CSMD3: variants seen among roughly 807,000 people sequenced by gnomAD.
CSMD3 encodes the protein CUB and Sushi multiple domains 3.
CSMD3 carries 177 observed loss-of-function variants against 435.2 expected under a neutral mutation model. The observed-to-expected ratio is 0.41, with a 90% CI of 0.36 to 0.46. The LOEUF (loss-of-function observed/expected upper bound fraction) is 0.46, where lower values mean the gene tolerates loss of function less well. CSMD3 is among the 20% of genes least tolerant of loss of function. The probability of loss-of-function intolerance (pLI) is 0.34; values close to 1 mark genes in which losing one functional copy is unlikely to be tolerated. For synonymous variants in CSMD3, 1,656 were observed against 1,520.5 expected, an observed-to-expected ratio of 1.09 and a Z score of -2.07; for missense variants, 4,265 against 4,504.6, an observed-to-expected ratio of 0.95 and a Z score of 1.52.
At chr8:113,326,458 C>T (rs1193704578) in intron 1 of CSMD3, among the ~76,000 whole-genome samples, 1 of 151,544 alleles carries the variant, frequency 6.6e-6, no homozygotes, top group African/African-American at 2.4e-5. Flanking sequence ...AATTAAACAA[C>T]AAGAAGCAAC....
At chr8:113,271,306 C>T (rs998617597) in intron 3 of CSMD3, among the ~76,000 whole-genome samples, 5 of 152,062 alleles carry the variant, frequency 3.3e-5, no homozygotes, top group African/African-American at 1.2e-4. Context: ...CTCCAGGGCA[C>T]GTCACAGGTC....
chr8:113,339,291 A>T (rs1390879459), intron 1 of CSMD3, among the ~76,000 whole-genome samples: 1 of 151,886 alleles, frequency 6.6e-6, no homozygotes, highest in African/African-American at 2.4e-5. Context: ...ATTGTCTTTG[A>T]GTTAGAAAAT....
At position 112,314,615 on chromosome 8, in the gene CSMD3, G is replaced by A. The variant is rs1433712236; in HGVS notation, c.7363C>T (p.Leu2455Phe). The change falls in exon 48 of 71, where the codon CTC (leucine) becomes TTC (phenylalanine). Residue 2455 changes from leucine to phenylalanine, a missense_variant and splice_region_variant. Leu to Phe is a conservative substitution (Grantham distance 22). This residue lies in a region of CSMD3 where 3,255 missense variants were observed against 3,380.2 expected (regional missense o/e 0.96). Coordinates refer to ENST00000297405, the MANE Select transcript of CSMD3 (RefSeq NM_198123.2). ...MDGAPPVCQV[L>F]CPANELRLDS... ...AGCCGTAATTCATTGGCAGGACAGAGCACTGTCAAAGAAAAATGTCATTAA... is the reference window on the plus strand; with the variant it reads ...AGCCGTAATTCATTGGCAGGACAGAACACTGTCAAAGAAAAATGTCATTAA... 3 of 1,609,550 alleles carry A rather than the reference G, an allele frequency of 1.9e-6. No individual in the cohort carries two copies. The African/African-American group carries it at 4.0e-5, about 22-fold the overall frequency.
At chr8:113,372,954 A>AT (rs2094356258) in intron 1 of CSMD3, among the ~76,000 whole-genome samples, 1 of 151,650 alleles carries the variant, frequency 6.6e-6, no homozygotes, top group Admixed American at 6.6e-5. Context: ...AAAAAAAAAA[A>AT]AGAAAGAAAA....
At chr8:113,120,381 T>G (rs541113220) in intron 4 of CSMD3, among the ~76,000 whole-genome samples, 34 of 152,280 alleles carry the variant, frequency 2.2e-4, no homozygotes, top group African/African-American at 8.2e-4. Context: ...CAATGATAGA[T>G]TTATATGCAT....
At chr8:112,750,570 T>A (rs1225382778) in intron 13 of CSMD3, among the ~76,000 whole-genome samples, 1 of 152,036 alleles carries the variant, frequency 6.6e-6, no homozygotes, top group Non-Finnish European at 1.5e-5. Context: ...GCATAAAAGA[T>A]AAGTATATAT....
chr8:112,586,867 G>A (rs2131351310), intron 23 of CSMD3, among the ~76,000 whole-genome samples, 199 bp downstream of exon 23: 1 of 150,992 alleles, frequency 6.6e-6, no homozygotes, highest in East Asian at 2.0e-4. Flanking sequence ...AAAAAAATTG[G>A]AAACAAAACA....
chr8:112,405,814 T>A, intron 35 of CSMD3, among the ~76,000 whole-genome samples: 1 of 152,114 alleles, frequency 6.6e-6, no homozygotes, highest in East Asian at 1.9e-4. Context: ...TTTGGATTCT[T>A]AAAAGATCTC....
intron 1 of CSMD3, among the ~76,000 whole-genome samples, chr8:113,409,378 C>T (rs1039701171): frequency 2.6e-5 from 4 of 151,926 alleles, no homozygotes; most frequent in African/African-American, 9.7e-5. Context: ...CCACCGCGCC[C>T]GGCCAATAAG....
At chr8:113,245,112 A>G (rs2093262004) in intron 3 of CSMD3, among the ~76,000 whole-genome samples, 1 of 152,130 alleles carries the variant, frequency 6.6e-6, no homozygotes, top group African/African-American at 2.4e-5. Flanking sequence ...TACTGTTGGC[A>G]TGGCATATAT....
rs1438318095 is a variant in CSMD3, at chr8:112,241,754, T to G, written c.10434A>C (p.Arg3478Ser). ...AGSKILVKDPRPALGTPSPKL... is the reference protein window; with the variant it reads ...AGSKILVKDPSPALGTPSPKL... ...TTGGGCTGGGTGTTCCCAGTGCAGG[T>G]CTAGGATCTTTCACCAATATTTTAG... The change falls in exon 66 of 71, where the codon AGA becomes AGC. Residue 3478 changes from arginine (R) to serine (S), a missense_variant. Physicochemically the swap from Arg to Ser is moderately radical, Grantham distance 110. Around this residue, in one of 3 missense-constraint regions of CSMD3, gnomAD observed 3,255 missense variants for 3,380.2 expected, o/e 0.96. Coordinates refer to ENST00000297405, the MANE Select transcript of CSMD3 (RefSeq NM_198123.2). 6.2e-7 allele frequency: 1 copy of G among 1,612,922 alleles called. No individual in the cohort carries two copies. Among genetic ancestry groups the G allele is most frequent in the Non-Finnish European group, 8.5e-7 (1 of 1,179,106 alleles).
Position 113,126,077 on chromosome 8 carries a change from C to T in CSMD3, c.710-27114G>A, listed in dbSNP as rs564367560. 5.5e-4 allele frequency among the ~76,000 whole-genome samples: 84 copies of T among 152,028 alleles called. 1 individual carries two copies. In the South Asian group the frequency reaches 0.016, roughly 29 times the overall value. On this transcript the variant is annotated intron_variant, in intron 4 of 70. Transcript: ENST00000297405. ...AATTATCTCCATTTTAATACTAACG[C>T]ACTTGAGAGGAGAAGGCATAGGAAG...
At chr8:112,818,220 T>C (rs1197243309) in intron 12 of CSMD3, among the ~76,000 whole-genome samples, 1 of 152,048 alleles carries the variant, frequency 6.6e-6, no homozygotes, top group Admixed American at 6.6e-5. Context: ...AATTAGAAAA[T>C]GTTAGAATGT....
intron 1 of CSMD3, among the ~76,000 whole-genome samples, chr8:113,395,190 A>G (rs2094477580): frequency 6.6e-6 from 1 of 152,198 alleles, no homozygotes; most frequent in South Asian, 2.1e-4. Context: ...CATTTAGTTT[A>G]TGAATCTTTT....
intron 1 of CSMD3, among the ~76,000 whole-genome samples, chr8:113,406,638 T>C (rs1265283312): frequency 6.6e-6 from 1 of 152,004 alleles, no homozygotes; most frequent in African/African-American, 2.4e-5. Flanking sequence ...ATATATAAAA[T>C]GAGGGTGTGC....
In CSMD3 at chr8:112,492,480, G is replaced by A. The variant is rs766772373; in HGVS notation, c.5278+9C>T. The A allele has an allele frequency of 6.2e-7, 1 of 1,610,986 alleles. No individual in the cohort carries two copies. ...TCATGAAAATTCAGCCAAAAAATATGTTCCTTACCATGACAACTTGGCAAG... is the reference window on the plus strand; with the variant it reads ...TCATGAAAATTCAGCCAAAAAATATATTCCTTACCATGACAACTTGGCAAG... On this transcript the variant is annotated intron_variant, in intron 31 of 70. Transcript: ENST00000297405.
At chr8:113,122,542 G>T (rs960025465) in intron 4 of CSMD3, among the ~76,000 whole-genome samples, 1 of 152,056 alleles carries the variant, frequency 6.6e-6, no homozygotes, top group Non-Finnish European at 1.5e-5. Flanking sequence ...GAATATTTCA[G>T]CAGGCCCAAT....
At chr8:113,167,248 A>T (rs1283201695) in intron 4 of CSMD3, among the ~76,000 whole-genome samples, 4 of 152,178 alleles carry the variant, frequency 2.6e-5, no homozygotes, top group Non-Finnish European at 4.4e-5. Flanking sequence ...TAAGATTTTT[A>T]AAATAATTGA....
At chr8:113,323,875 C>T (rs746032456) in intron 1 of CSMD3, among the ~76,000 whole-genome samples, 1 of 152,064 alleles carries the variant, frequency 6.6e-6, no homozygotes, top group Non-Finnish European at 1.5e-5. Context: ...CTCCAGTAAC[C>T]TTTCTTCTTT....
Sources: allele counts gnomAD v4.1 joint callset (sites outside exome capture counted in the v4.1 genomes callset), GRCh38; gene constraint gnomAD v4.1.1; regional missense constraint gnomAD v4.1.1; transcripts MANE v1.5; gene names NCBI Gene and HGNC (gene_info 2026-07-23, HGNC 2026-07-21).